Variants in ERC2 observed in about 807,000 individuals in gnomAD.
ERC2 encodes ERC protein 2.
In ERC2, 42 loss-of-function variants were observed where a neutral mutation model predicts 114.8. That is an observed-to-expected ratio of 0.37 (90% CI 0.29 to 0.47). The LOEUF is 0.47. ERC2 is among the 20% of genes least tolerant of loss of function. The pLI is 0.99. For synonymous variants in ERC2, 454 were observed against 425.5 expected (o/e 1.07, Z -0.82); for missense variants, 939 against 1,150.7 (o/e 0.82, Z 2.66).
intron 7 of ERC2, among the ~76,000 whole-genome samples, chr3:56,068,200 C>T (rs2076569716): frequency 6.6e-6 from 1 of 152,164 alleles, no homozygotes; most frequent in South Asian, 2.1e-4. Flanking sequence ...CTATTTATTA[C>T]TGCCTCAATT....
chr3:55,512,473 C>T (rs1294421859), intron 17 of ERC2, among the ~76,000 whole-genome samples: 1 of 152,110 alleles, frequency 6.6e-6, no homozygotes, highest in Non-Finnish European at 1.5e-5. Context: ...ATGAGCTGTG[C>T]ATAGCTCTAA....
intron 8 of ERC2, among the ~76,000 whole-genome samples, chr3:56,013,036 G>A (rs935831916): frequency 6.6e-6 from 1 of 152,160 alleles, no homozygotes; most frequent in Non-Finnish European, 1.5e-5. Flanking sequence ...TCTGCTATGT[G>A]GCTACAGCAA....
In ERC2 at chr3:55,850,423, A is replaced by G. The variant is rs13327435; in HGVS notation, c.2564+37966T>C. On this transcript the variant is annotated intron_variant, in intron 14 of 17. Transcript: ENST00000288221. ...TGTATTAAGTCATTTTATCTTTACA[A>G]TAACTGGAAGAAGTAAGTAACTATT... Among the ~76,000 whole-genome samples the G allele has an allele frequency of 8.5e-3, 1,289 of 152,360 alleles. 23 individuals are homozygous for G. Among genetic ancestry groups the G allele is most frequent in the African/African-American group, 0.03 (1,231 of 41,576 alleles).
intron 3 of ERC2, among the ~76,000 whole-genome samples, chr3:56,217,345 A>G (rs536600977): frequency 9.5e-4 from 145 of 152,320 alleles, no homozygotes; most frequent in African/African-American, 3.3e-3. Flanking sequence ...ATACACCAAT[A>G]ACAGACAAAC....
At chr3:55,740,360 T>C (rs1282503797) in intron 14 of ERC2, among the ~76,000 whole-genome samples, 3 of 152,254 alleles carry the variant, frequency 2.0e-5, no homozygotes, top group East Asian at 1.9e-4. Context: ...TTTTATTTTG[T>C]TTTGCTTTTG....
At chr3:55,959,227 G>A (rs1346224072) in intron 12 of ERC2, among the ~76,000 whole-genome samples, 2 of 152,246 alleles carry the variant, frequency 1.3e-5, no homozygotes, top group African/African-American at 2.4e-5. Flanking sequence ...GCAAAAGAAG[G>A]GTTTATTTTC....
At chr3:55,893,251 T>C (rs1262219267) in intron 13 of ERC2, among the ~76,000 whole-genome samples, 1 of 152,158 alleles carries the variant, frequency 6.6e-6, no homozygotes, top group Admixed American at 6.5e-5. Context: ...AGGAACTTAT[T>C]CCCCTGTTTA....
intron 14 of ERC2, among the ~76,000 whole-genome samples, chr3:55,854,570 C>T (rs987363482): frequency 6.6e-6 from 1 of 152,114 alleles, no homozygotes; most frequent in South Asian, 2.1e-4. Context: ...CAGGGAGGCC[C>T]CCTGATTTAA....
At chr3:56,467,680 C>T (rs540291993) in intron 1 of ERC2, among the ~76,000 whole-genome samples, 76 of 152,092 alleles carry the variant, frequency 5.0e-4, no homozygotes, top group African/African-American at 1.8e-3. Context: ...ATACACCATC[C>T]CCTAGCCCTC....
chr3:55,966,918 A>T (rs938662648), intron 12 of ERC2, among the ~76,000 whole-genome samples: 4 of 152,188 alleles, frequency 2.6e-5, no homozygotes, highest in African/African-American at 9.7e-5. Context: ...ACACACAATC[A>T]CATGCATACA....
chr3:56,235,929 A>G (rs1408530088), intron 3 of ERC2, among the ~76,000 whole-genome samples: 1 of 152,174 alleles, frequency 6.6e-6, no homozygotes, highest in Non-Finnish European at 1.5e-5. Context: ...CTACAGACAT[A>G]TCAGTTTGAA....
chr3:55,964,262 A>C (rs977563447), intron 12 of ERC2, among the ~76,000 whole-genome samples: 10 of 152,230 alleles, frequency 6.6e-5, no homozygotes, highest in African/African-American at 2.4e-4. Flanking sequence ...AGGTTATATA[A>C]TATGCCCAAC....
intron 3 of ERC2, among the ~76,000 whole-genome samples, chr3:56,198,733 G>A (rs2048247883): frequency 6.6e-6 from 1 of 152,212 alleles, no homozygotes; most frequent in Non-Finnish European, 1.5e-5. Context: ...AGTTGGCAGT[G>A]GGAGCGTGGA....
intron 3 of ERC2, among the ~76,000 whole-genome samples, chr3:56,180,526 AC>A (rs2083232496): frequency 6.6e-6 from 1 of 152,220 alleles, no homozygotes; most frequent in South Asian, 2.1e-4. Flanking sequence ...ACATGGATAG[AC>A]CTCAAGGACA....
At chr3:56,428,070 C>G (rs933362150) in intron 2 of ERC2, among the ~76,000 whole-genome samples, 1 of 152,110 alleles carries the variant, frequency 6.6e-6, no homozygotes. Context: ...AAAAAGGAGC[C>G]TGGAAGAAGG....
chr3:55,862,379 C>T (rs1383690043), intron 14 of ERC2, among the ~76,000 whole-genome samples: 1 of 152,110 alleles, frequency 6.6e-6, no homozygotes, highest in Non-Finnish European at 1.5e-5. Context: ...GAAAGATGTC[C>T]TTTCCTACAG....
intron 2 of ERC2, among the ~76,000 whole-genome samples, chr3:56,313,001 C>CATATATATATATAT (rs3055903): frequency 0.06 from 2,625 of 43,712 alleles, 472 homozygotes; most frequent in Non-Finnish European, 0.075. Flanking sequence ...TATGTATATT[C>CATATATATATATAT]ATATATATAT....
At chr3:55,599,693 A>G (rs1165263141) in intron 17 of ERC2, among the ~76,000 whole-genome samples, 1 of 152,218 alleles carries the variant, frequency 6.6e-6, no homozygotes, top group Non-Finnish European at 1.5e-5. Context: ...ACAGTCATCT[A>G]TAGTAAGAAA....
At chr3:55,801,466 G>C (rs1165954129) in intron 14 of ERC2, among the ~76,000 whole-genome samples, 3 of 152,212 alleles carry the variant, frequency 2.0e-5, no homozygotes, top group Non-Finnish European at 4.4e-5. Context: ...GGAAAACCAA[G>C]AGAGAGCCAA....
Sources: gnomAD v4.1 joint callset for allele counts (sites outside exome capture counted in the v4.1 genomes callset) on GRCh38, gnomAD v4.1.1 for gene constraint, MANE v1.5 for transcripts, NCBI Gene and HGNC (gene_info 2026-07-23, HGNC 2026-07-21) for gene names.